GUSB: variants seen among roughly 807,000 people sequenced by gnomAD.
GUSB encodes glucuronidase beta.
A neutral mutation model predicts 74.6 loss-of-function variants in GUSB; 51 were observed. The observed-to-expected ratio is 0.68, with a 90% CI of 0.55 to 0.86. GUSB has a LOEUF of 0.86. Ranked by LOEUF, GUSB falls within the 40% of genes least tolerant of loss-of-function variation. The probability of loss-of-function intolerance (pLI) is 0.00; values close to 1 mark genes in which losing one functional copy is unlikely to be tolerated. For synonymous variants in GUSB, 360 were observed against 348.3 expected (o/e 1.03, Z -0.37); for missense variants, 736 against 853.7 (o/e 0.86, Z 1.72).
rs1790928679 is a variant in GUSB, at chr7:65,967,746, A to T, written c.1638T>A (p.Ile546=). 1 of 1,613,460 alleles carries T rather than the reference A, an allele frequency of 6.2e-7. No homozygotes were observed. The highest frequency in any genetic ancestry group is 8.5e-7 in the Non-Finnish European group (1 of 1,179,780). Residue 546 remains isoleucine, a synonymous_variant, in exon 10 of 12, where the codon ATT becomes ATA. Transcript: ENST00000304895. ...IIQSEYGAET[I]AGFHQDPPLM... The stretch of plus-strand genomic sequence containing the variant: ...CACTGCTTACCTGGTGAAACCCTGC[A>T]ATCGTTTCTGCTCCATACTCGCTCT...
Position 65,981,964 on chromosome 7 carries a change from G to A in GUSB, c.210+10C>T, listed in dbSNP as rs1237096748. ...TTCGGGCGCCTCCCGGCCCTGCCCC[G>A]AGATCGCACCTCCCACAGCGGCCGC... On this transcript the variant is annotated intron_variant, in intron 1 of 11. Transcript: ENST00000304895. 6.2e-7 allele frequency: 1 copy of A among 1,602,686 alleles called. No individual in the cohort carries two copies. Among genetic ancestry groups the A allele is most frequent in the Non-Finnish European group, 8.5e-7 (1 of 1,177,074 alleles).
intron 1 of GUSB, 148 bp from the exon 2 acceptor site, chr7:65,980,557 G>C (rs748642489): frequency 2.7e-6 from 2 of 747,728 alleles, no homozygotes; most frequent in Non-Finnish European, 4.6e-6. Context: ...GCTGATGACA[G>C]GTCAACTGCC....
intron 8 of GUSB, among the ~76,000 whole-genome samples, chr7:65,970,881 C>A (rs1791159521): frequency 6.6e-6 from 1 of 151,738 alleles, no homozygotes; most frequent in Non-Finnish European, 1.5e-5. Context: ...AGAGCAAGAC[C>A]CTGTCTCAAA....
chr7:65,981,841 G>A (rs1792048035), intron 1 of GUSB, 133 bp downstream of exon 1: 2 of 784,938 alleles, frequency 2.5e-6, no homozygotes, highest in South Asian at 1.9e-5. Flanking sequence ...GCGCCCCCAA[G>A]CCCGTTGACC....
chr7:65,973,618 G>A (rs1374446571), intron 8 of GUSB, among the ~76,000 whole-genome samples: 4 of 151,798 alleles, frequency 2.6e-5, no homozygotes, highest in Non-Finnish European at 4.4e-5. Flanking sequence ...TTAGCTGGGC[G>A]TGGTGGCATG....
At chr7:65,980,003 T>G in intron 2 of GUSB, 92 bp from the exon 3 acceptor site, 2 of 1,141,050 alleles carry the variant, frequency 1.8e-6, no homozygotes, top group Non-Finnish European at 2.5e-6. Context: ...ACCTGCAGCA[T>G]GGGGCTCCGG....
chr7:65,976,129 T>C lies in GUSB; in HGVS notation c.798A>G (p.Glu266=), dbSNP rs1235490592. 6.2e-7 allele frequency: 1 copy of C among 1,613,844 alleles called. No homozygotes were observed. Residue 266 remains glutamate (E), a synonymous_variant, in exon 5 of 12, where the codon GAA becomes GAG. Transcript: ENST00000304895. ...FKLEVRLLDA[E]NKVVANGTGT... ...CAGTCCCATTCGCCACGACTTTGTT[T>C]TCTGCATCCAAAAGACGCACTTCCA... is the stretch of plus-strand genomic sequence containing the variant.
In GUSB at chr7:65,970,351, G is replaced by A; in HGVS notation, c.1407C>T (p.His469=). The A allele has an allele frequency of 6.2e-7, 1 of 1,612,098 alleles. No individual in the cohort carries two copies. ...AGYYLKMVIA[H]TKSLDPSRPV... Reference sequence around the variant, plus strand: ...GCCGGGAGGGGTCCAAGGATTTGGTGTGAGCGATCACCATCCTGTCCACAA... The same window carrying A: ...GCCGGGAGGGGTCCAAGGATTTGGTATGAGCGATCACCATCCTGTCCACAA... Residue 469 remains histidine (H), a synonymous_variant, in exon 9 of 12, where the codon CAC becomes CAT. Coordinates refer to ENST00000304895, the MANE Select transcript of GUSB (RefSeq NM_000181.4).
At chr7:65,961,913 A>T (rs1340525009) in intron 11 of GUSB, among the ~76,000 whole-genome samples, 2 of 151,918 alleles carry the variant, frequency 1.3e-5, no homozygotes, top group Non-Finnish European at 2.9e-5. Context: ...GGGGCAGGAG[A>T]ATCGCTTGAA....
In GUSB at chr7:65,979,983, C is replaced by T; in HGVS notation, c.397-72G>A. 3 of 1,276,274 alleles carry T rather than the reference C, an allele frequency of 2.4e-6. No homozygotes were observed. In the South Asian group the frequency reaches 3.9e-5, roughly 17 times the overall value. 79.1% of individuals were successfully genotyped at this position (1,276,274 alleles called of 1,614,324 possible). The stretch of plus-strand genomic sequence containing the variant: ...AGGAGGCGCCCTACTATCGGGCACT[C>T]CCTCACATAACCTGCAGCATGGGGC... On this transcript the variant is annotated intron_variant, in intron 2 of 11. Transcript: ENST00000304895.
In GUSB at chr7:65,982,108, C is replaced by T; in HGVS notation, c.76G>A (p.Gly26Arg). ...LWGCALGLQG[G>R]MLYPQESPSR... Reference sequence around the variant, plus strand: ...GGGCTCTCCTGGGGGTACAGCATCCCGCCCTGCAGCCCCAGCGCGCAGCCC... The same window carrying T: ...GGGCTCTCCTGGGGGTACAGCATCCTGCCCTGCAGCCCCAGCGCGCAGCCC... The change falls in exon 1 of 12, where the codon GGG (glycine) becomes AGG (arginine). Residue 26 changes from glycine to arginine, a missense_variant. Coordinates refer to ENST00000304895, the MANE Select transcript of GUSB (RefSeq NM_000181.4). The T allele has an allele frequency of 6.3e-7, 1 of 1,588,918 alleles. No individual in the cohort carries two copies. The highest frequency in any genetic ancestry group is 8.6e-7 in the Non-Finnish European group (1 of 1,168,708).
At chr7:65,981,325 G>A (rs1225451660) in intron 1 of GUSB, among the ~76,000 whole-genome samples, 3 of 151,076 alleles carry the variant, frequency 2.0e-5, no homozygotes, top group South Asian at 2.1e-4. Context: ...CTCTACTCCC[G>A]GGTTCAAGCA....
chr7:65,966,100 G>A (rs1335612647), intron 10 of GUSB, among the ~76,000 whole-genome samples: 2 of 152,076 alleles, frequency 1.3e-5, no homozygotes, highest in Non-Finnish European at 2.9e-5. Flanking sequence ...AACCAGGGAG[G>A]TGGACATTGC....
intron 9 of GUSB, among the ~76,000 whole-genome samples, chr7:65,968,230 CAAAAAA>C (rs60554800): frequency 5.4e-4 from 67 of 123,316 alleles, no homozygotes; most frequent in East Asian, 2.2e-3. Flanking sequence ...CCATTTCTAC[CAAAAAA>C]AAAAAAAAAA....
Position 65,979,426 on chromosome 7 carries a change from C to A in GUSB, c.697G>T (p.Val233Phe). Reference protein sequence around the residue: ...TPTTYIDDITVTTSVEQDSGL... With the variant: ...TPTTYIDDITFTTSVEQDSGL... ...CTGTCTTGCTCCACGCTGGTGGTGA[C>A]GGTGATGTCATCGATGTAGGTGGTG... Residue 233 changes from valine (V) to phenylalanine (F), a missense_variant, in exon 4 of 12, where the codon GTC becomes TTC. Val to Phe is a conservative substitution (Grantham distance 50, BLOSUM62 -1). Around this residue, in one of 2 missense-constraint regions of GUSB, gnomAD observed 368 missense variants for 363.8 expected, o/e 1.01. Coordinates refer to ENST00000304895, the MANE Select transcript of GUSB (RefSeq NM_000181.4). 6 of 1,613,820 alleles carry A rather than the reference C, an allele frequency of 3.7e-6. No individual in the cohort carries two copies. The highest frequency in any genetic ancestry group is 5.1e-6 in the Non-Finnish European group (6 of 1,179,812).
At chr7:65,976,907 T>C (rs745614024) in intron 4 of GUSB, among the ~76,000 whole-genome samples, 11 of 151,808 alleles carry the variant, frequency 7.2e-5, no homozygotes, top group Non-Finnish European at 1.5e-4. Context: ...TGAGGCAGGA[T>C]AGGTAGTCAA....
rs1159760741 is a variant in GUSB at position 65,982,161 on chromosome 7, G to A, written c.23C>T (p.Ala8Val). 2.6e-6 allele frequency: 4 copies of A among 1,520,044 alleles called. No individual in the cohort carries two copies. Among genetic ancestry groups the A allele is most frequent in the Admixed American group, 2.0e-5 (1 of 50,138 alleles). The allele number at this position is 1,520,044 out of a possible 1,614,324, so 94.2% of individuals were successfully genotyped here. ...CAACAACGGCCCGAGCGCCGCCCAG[G>A]CAACCGCCGACCCCCGGGCCATGCT... MARGSAV[A>V]WAALGPLLWG... is the part of the protein sequence containing the mutation. Residue 8 changes from alanine (A) to valine (V), a missense_variant, in exon 1 of 12, where the codon GCC becomes GTC. By Grantham distance (64) the Ala-to-Val change is moderately conservative. Coordinates refer to ENST00000304895, the MANE Select transcript of GUSB (RefSeq NM_000181.4).
At chr7:65,962,747 C>G (rs891602256) in intron 11 of GUSB, among the ~76,000 whole-genome samples, 1 of 151,974 alleles carries the variant, frequency 6.6e-6, no homozygotes, top group Non-Finnish European at 1.5e-5. Flanking sequence ...TGGCGCATGC[C>G]TGCAATCCCA....
Position 65,979,781 on chromosome 7 carries a change from AGT to A in GUSB, c.525_526del (p.Leu176HisfsTer15). On this transcript the variant is annotated frameshift_variant, in exon 3 of 12. Transcript: ENST00000304895. LOFTEE classifies it high-confidence loss of function. Reference sequence around the variant, plus strand: ...CCCTGGTGGCAGGGTGGTGGGGGTGAGTGTGTTGTTGATGGCGATAGTGATTC... The same window carrying A: ...CCCTGGTGGCAGGGTGGTGGGGGTGAGTGTTGTTGATGGCGATAGTGATTC... 1.2e-6 allele frequency: 2 copies of A among 1,613,668 alleles called. No individual in the cohort carries two copies. The highest frequency in any genetic ancestry group is 1.7e-6 in the Non-Finnish European group (2 of 1,179,960).
Sources: allele counts gnomAD v4.1 joint callset (sites outside exome capture counted in the v4.1 genomes callset), GRCh38; gene constraint gnomAD v4.1.1; regional missense constraint gnomAD v4.1.1; transcripts MANE v1.5; gene names NCBI Gene and HGNC (gene_info 2026-07-23, HGNC 2026-07-21).